Variants in SPATA13 observed in about 807,000 individuals in gnomAD.
SPATA13 encodes the protein spermatogenesis associated 13, also known as spermatogenesis-associated protein 13.
SPATA13 carries 50 observed loss-of-function variants against 104.0 expected under a neutral mutation model. That is an observed-to-expected ratio of 0.48 (90% CI 0.38 to 0.61). The LOEUF is 0.61. Ranked by LOEUF, SPATA13 falls within the 20% of genes least tolerant of loss-of-function variation. The probability of loss-of-function intolerance (pLI) is 0.00; values close to 1 mark genes in which losing one functional copy is unlikely to be tolerated. For missense variants in SPATA13, 1,524 were observed against 1,690.6 expected, an observed-to-expected ratio of 0.90 and a Z score of 1.73; for synonymous variants, 606 against 667.5, an observed-to-expected ratio of 0.91 and a Z score of 1.42.
At chr13:24,228,997 A>G (rs1872107313) in intron 2 of SPATA13, among the ~76,000 whole-genome samples, 1 of 152,228 alleles carries the variant, frequency 6.6e-6, no homozygotes, top group Non-Finnish European at 1.5e-5. Context: ...TTTAATTTAC[A>G]AAGCATGCCA....
chr13:24,108,907 T>A (rs1263336250), intron 3 of SPATA13, among the ~76,000 whole-genome samples: 6 of 152,206 alleles, frequency 3.9e-5, no homozygotes, highest in Non-Finnish European at 7.3e-5. Context: ...CAGAAATGTT[T>A]AAAAATCTCT....
At chr13:24,119,670 G>T (rs373370640) in intron 3 of SPATA13, among the ~76,000 whole-genome samples, 6 of 152,274 alleles carry the variant, frequency 3.9e-5, no homozygotes, top group African/African-American at 1.4e-4. Flanking sequence ...TCTCATCTGT[G>T]TCTTCTAACT....
chr13:24,153,215 T>C (rs1882156523), intron 3 of SPATA13, among the ~76,000 whole-genome samples: 1 of 152,238 alleles, frequency 6.6e-6, no homozygotes, highest in African/African-American at 2.4e-5. Flanking sequence ...CATGCTGGTC[T>C]GTCTCATGTA....
chr13:24,015,739 GC>G (rs201705687), intron 2 of SPATA13, among the ~76,000 whole-genome samples: 5 of 15,720 alleles, frequency 3.2e-4, no homozygotes, highest in Non-Finnish European at 5.5e-4. Context: ...CCCCTGGCAG[GC>G]CCCCCCCCAA....
At chr13:24,154,199 G>C (rs1593363940) in intron 3 of SPATA13, among the ~76,000 whole-genome samples, 1 of 152,072 alleles carries the variant, frequency 6.6e-6, no homozygotes, top group African/African-American at 2.4e-5. Context: ...ACCACTCCTG[G>C]GTAAATACCC....
intron 9 of SPATA13, among the ~76,000 whole-genome samples, chr13:24,294,486 G>T (rs1206261924): frequency 6.6e-6 from 1 of 152,174 alleles, no homozygotes; most frequent in Non-Finnish European, 1.5e-5. Context: ...GTCATTCATT[G>T]TAATTTCTGG....
intron 3 of SPATA13, among the ~76,000 whole-genome samples, chr13:24,066,547 A>G (rs183446831): frequency 3.3e-5 from 5 of 152,308 alleles, no homozygotes; most frequent in South Asian, 2.1e-4. Flanking sequence ...TGAGCTGTGC[A>G]TCAAAGCAGA....
At chr13:24,292,048 G>A (rs1024109171) in intron 9 of SPATA13, among the ~76,000 whole-genome samples, 45 of 152,074 alleles carry the variant, frequency 3.0e-4, no homozygotes, top group Non-Finnish European at 5.0e-4. Flanking sequence ...GAGCCACCGC[G>A]CCCGGCCTCT....
chr13:24,246,738 CTGT>C (rs1278924941), intron 2 of SPATA13, among the ~76,000 whole-genome samples: 1 of 152,090 alleles, frequency 6.6e-6, no homozygotes, highest in African/African-American at 2.4e-5. Context: ...TGGTAGGTGC[CTGT>C]AATCCCAGCT....
At chr13:24,130,798 A>G (rs1237664792) in intron 3 of SPATA13, among the ~76,000 whole-genome samples, 1 of 152,252 alleles carries the variant, frequency 6.6e-6, no homozygotes, top group Non-Finnish European at 1.5e-5. Context: ...CTGGACCTAA[A>G]TAAGTGCCCA....
intron 3 of SPATA13, among the ~76,000 whole-genome samples, chr13:24,090,353 A>G (rs1169222625): frequency 1.3e-5 from 2 of 152,148 alleles, no homozygotes; most frequent in Admixed American, 1.3e-4. Flanking sequence ...ATCCCTGTCC[A>G]TCCAACCTGT....
chr13:24,250,120 C>A (rs955269096), intron 3 of SPATA13, among the ~76,000 whole-genome samples: 2 of 151,864 alleles, frequency 1.3e-5, no homozygotes, highest in African/African-American at 4.8e-5. Context: ...GAGATTCTAA[C>A]CAGGGAAAGG....
chr13:24,073,695 AG>A (rs1879238658), intron 3 of SPATA13, among the ~76,000 whole-genome samples: 1 of 152,238 alleles, frequency 6.6e-6, no homozygotes, highest in Admixed American at 6.5e-5. Context: ...CTTTCCTGGA[AG>A]TTTGGCCTTG....
intron 3 of SPATA13, among the ~76,000 whole-genome samples, chr13:24,038,664 C>G (rs1052566767): frequency 2.6e-5 from 4 of 152,264 alleles, no homozygotes; most frequent in Admixed American, 2.0e-4. Context: ...AATGCAGCCA[C>G]AAACAGGAAA....
At chr13:24,080,630 A>G (rs7982745) in intron 3 of SPATA13, among the ~76,000 whole-genome samples, 150,292 of 152,270 alleles carry the variant, frequency 0.99, 74,197 homozygotes, top group East Asian at 1. Context: ...CCTTAAATTT[A>G]CAGGTAGATC....
upstream of SPATA13, chr13:24,160,673 C>T (rs1278704313): frequency 7.7e-5 from 71 of 923,638 alleles, no homozygotes; most frequent in Non-Finnish European, 8.2e-5. Context: ...AAGAGCCGGG[C>T]TGGGGGCGTG....
At chr13:24,040,658 A>G (rs1218922529) in intron 3 of SPATA13, among the ~76,000 whole-genome samples, 1 of 152,094 alleles carries the variant, frequency 6.6e-6, no homozygotes, top group Non-Finnish European at 1.5e-5. Context: ...AATGAGGAGA[A>G]ATGACTTGAG....
chr13:24,248,951 C>T (rs1873318733), intron 2 of SPATA13, among the ~76,000 whole-genome samples: 2 of 151,070 alleles, frequency 1.3e-5, no homozygotes, highest in Admixed American at 1.3e-4. Context: ...GCAACTGCAA[C>T]TTTTGCCTCC....
At position 24,223,167 on chromosome 13, in the gene SPATA13, C is replaced by T. The variant is rs1376943874; in HGVS notation, c.238C>T (p.Arg80Trp). 9 of 1,551,678 alleles carry T rather than the reference C, an allele frequency of 5.8e-6. No individual in the cohort carries two copies. The highest frequency in any genetic ancestry group is 5.5e-5 in the African/African-American group (4 of 73,194). The change falls in exon 2 of 13, where the codon CGG (arginine) becomes TGG (tryptophan). Residue 80 changes from arginine to tryptophan, a missense_variant. By Grantham distance (101) the Arg-to-Trp change is moderately radical (BLOSUM62 -3). Coordinates refer to ENST00000382108, the MANE Select transcript of SPATA13 (RefSeq NM_001166271.3). ...AKLVRLFSTS[R>W]KRTGAHPERP... ...GCTTGTGCGCCTCTTTTCCACCAGT[C>T]GGAAGAGGACGGGTGCCCACCCCGA...
Sources: gnomAD v4.1 joint callset for allele counts (sites outside exome capture counted in the v4.1 genomes callset) on GRCh38, gnomAD v4.1.1 for gene constraint, MANE v1.5 for transcripts, NCBI Gene and HGNC (gene_info 2026-07-23, HGNC 2026-07-21) for gene names.